The following WDR72 variants were observed in gnomAD, a reference collection of about 807,000 sequenced individuals.
The protein encoded by WDR72 is WD repeat domain 72.
WDR72 carries 120 observed loss-of-function variants against 124.2 expected under a neutral mutation model. The ratio of observed to expected loss-of-function variants is 0.97; its 90% CI spans 0.83 to 1.12. WDR72 has a LOEUF of 1.12. Ranked by LOEUF, WDR72 falls within the 50% of genes most tolerant of loss-of-function variation. The probability of loss-of-function intolerance (pLI) is 0.00; values close to 1 mark genes in which losing one functional copy is unlikely to be tolerated. For missense variants in WDR72, 1,387 were observed against 1,278.8 expected (o/e 1.08, Z -1.29); for synonymous variants, 452 against 441.7 (o/e 1.02, Z -0.29).
chr15:53,649,275 G>C (rs184106957), intron 14 of WDR72, among the ~76,000 whole-genome samples: 1 of 152,236 alleles, frequency 6.6e-6, no homozygotes, highest in Admixed American at 6.5e-5. Flanking sequence ...AGGTGTACCA[G>C]AGACTGTATG....
At chr15:53,613,817 TAAATC>T (rs2013648718) in intron 15 of WDR72, 60 bp from the exon 16 acceptor site, 3 of 1,205,134 alleles carry the variant, frequency 2.5e-6, no homozygotes, top group Non-Finnish European at 3.7e-6. Context: ...TTTGAGGAAA[TAAATC>T]AAAGATATGG....
Position 53,615,836 on chromosome 15 carries a change from G to C in WDR72, c.2370C>G (p.Leu790=), listed in dbSNP as rs374963913. 1.7e-5 allele frequency: 28 copies of C among 1,613,480 alleles called. No individual in the cohort carries two copies. The highest frequency in any genetic ancestry group is 2.4e-5 in the Non-Finnish European group (28 of 1,179,672). Residue 790 remains leucine (L), a synonymous_variant, in exon 15 of 20, where the codon CTC becomes CTG. Transcript: ENST00000360509. ...GAAACAATTTTGCTGTGTCTATTGTGAGACTGGCATCTACTTTTCTTGATG... is the reference window on the plus strand; with the variant it reads ...GAAACAATTTTGCTGTGTCTATTGTCAGACTGGCATCTACTTTTCTTGATG... ...PKPSRKVDAS[L]TIDTAKLFLS...
At chr15:53,528,932 A>G (rs1892272567) in intron 18 of WDR72, among the ~76,000 whole-genome samples, 1 of 151,960 alleles carries the variant, frequency 6.6e-6, no homozygotes, top group Non-Finnish European at 1.5e-5. Flanking sequence ...TTCCAGCCTA[A>G]TGCAAGGCAC....
At chr15:53,529,248 T>C (rs991305160) in intron 18 of WDR72, among the ~76,000 whole-genome samples, 4 of 150,926 alleles carry the variant, frequency 2.7e-5, no homozygotes, top group African/African-American at 9.7e-5. Flanking sequence ...ATGTGTTGTA[T>C]TGTTAAAAAC....
intron 18 of WDR72, among the ~76,000 whole-genome samples, chr15:53,559,116 T>A (rs1894035666): frequency 6.6e-6 from 1 of 152,014 alleles, no homozygotes; most frequent in Non-Finnish European, 1.5e-5. Context: ...AATGGTTATT[T>A]ACTTATAACT....
chr15:53,640,828 A>G (rs1233906608), intron 14 of WDR72, among the ~76,000 whole-genome samples: 1 of 151,946 alleles, frequency 6.6e-6, no homozygotes, highest in African/African-American at 2.4e-5. Flanking sequence ...TCTTTGCCCA[A>G]TTTCTTCATT....
chr15:53,668,307 A>G (rs1403978188), intron 13 of WDR72, among the ~76,000 whole-genome samples: 1 of 152,252 alleles, frequency 6.6e-6, no homozygotes, highest in African/African-American at 2.4e-5. Flanking sequence ...GTTAGAGTCA[A>G]TCAATTTCTG....
chr15:53,561,746 C>T (rs982850259), intron 18 of WDR72, among the ~76,000 whole-genome samples: 2 of 151,764 alleles, frequency 1.3e-5, no homozygotes, highest in Non-Finnish European at 2.9e-5. Context: ...TTAGGTTCAC[C>T]TGAGGACCTC....
At chr15:53,647,064 C>T (rs543452832) in intron 14 of WDR72, among the ~76,000 whole-genome samples, 4 of 152,060 alleles carry the variant, frequency 2.6e-5, no homozygotes, top group African/African-American at 9.6e-5. Context: ...GTAAGTCTGA[C>T]CAGATCTCAA....
chr15:53,752,746 C>T (rs2018804555), intron 1 of WDR72, among the ~76,000 whole-genome samples: 1 of 152,164 alleles, frequency 6.6e-6, no homozygotes, highest in Non-Finnish European at 1.5e-5. Context: ...ATCTCAGTAA[C>T]ACATGTATCA....
At chr15:53,533,514 G>C (rs965665214) in intron 18 of WDR72, among the ~76,000 whole-genome samples, 1 of 152,050 alleles carries the variant, frequency 6.6e-6, no homozygotes, top group Non-Finnish European at 1.5e-5. Flanking sequence ...GTCTGATCAT[G>C]TATTTCCTAA....
rs2017517553 is a variant in WDR72 at position 53,710,954 on chromosome 15, C to G, written c.858-1G>C. On this transcript the variant is annotated splice_acceptor_variant, in intron 8 of 19. Coordinates refer to ENST00000360509, the MANE Select transcript of WDR72 (RefSeq NM_182758.4). LOFTEE classifies it high-confidence loss of function. ...AGGGTATATGCTTTTTGAAAGCCCACTGCGTGGCAAAAATAAAAAGCAAAG... is the reference window on the plus strand; with the variant it reads ...AGGGTATATGCTTTTTGAAAGCCCAGTGCGTGGCAAAAATAAAAAGCAAAG... 1.2e-6 allele frequency: 2 copies of G among 1,612,620 alleles called. No homozygotes were observed. The highest frequency in any genetic ancestry group is 2.7e-5 in the African/African-American group (2 of 75,038).
chr15:53,696,862 A>G (rs2017018120), intron 13 of WDR72, among the ~76,000 whole-genome samples: 2 of 152,252 alleles, frequency 1.3e-5, no homozygotes, highest in Admixed American at 1.3e-4. Flanking sequence ...AAAGGAATGA[A>G]TGTGATATAG....
intron 14 of WDR72, among the ~76,000 whole-genome samples, chr15:53,660,724 A>C (rs1216659980): frequency 6.6e-6 from 1 of 152,202 alleles, no homozygotes; most frequent in Admixed American, 6.5e-5. Context: ...CCATTAAAAA[A>C]AATTCCAACT....
At chr15:53,532,143 C>T (rs11070987) in intron 18 of WDR72, among the ~76,000 whole-genome samples, 122,144 of 152,036 alleles carry the variant, frequency 0.8, 50,128 homozygotes, top group South Asian at 0.91. Context: ...CAGGCAATAA[C>T]GAATGCTGTC....
chr15:53,579,190 C>T (rs1465329131), intron 18 of WDR72, among the ~76,000 whole-genome samples: 1 of 152,036 alleles, frequency 6.6e-6, no homozygotes, highest in Non-Finnish European at 1.5e-5. Flanking sequence ...AACAAGAACC[C>T]CTGACAGGCA....
intron 13 of WDR72, among the ~76,000 whole-genome samples, chr15:53,693,876 C>A (rs1175795941): frequency 6.6e-6 from 1 of 152,032 alleles, no homozygotes; most frequent in Non-Finnish European, 1.5e-5. Flanking sequence ...CTACAGAAAC[C>A]ACGTCATAAT....
intron 14 of WDR72, among the ~76,000 whole-genome samples, chr15:53,646,186 T>G (rs1039045609): frequency 9.2e-5 from 14 of 152,150 alleles, no homozygotes; most frequent in Non-Finnish European, 5.9e-5. Context: ...CACTCTCAGA[T>G]AGTTTATTTC....
chr15:53,712,809 T>C lies in WDR72; in HGVS notation c.674A>G (p.Glu225Gly). Residue 225 changes from glutamate to glycine, a missense_variant, in exon 7 of 20, where the codon GAG becomes GGG. Coordinates refer to ENST00000360509, the MANE Select transcript of WDR72 (RefSeq NM_182758.4). ...AGAAAATACCACCAATAGAAGTCTC[T>C]CAGTATATGTGCAAAATCGAATTGT... ...CQTIRFCTYT[E>G]RLLLVVFSKC... 1 of 1,613,598 alleles carries C rather than the reference T, an allele frequency of 6.2e-7. No homozygotes were observed. The highest frequency in any genetic ancestry group is 8.5e-7 in the Non-Finnish European group (1 of 1,179,660).
Sources: allele counts gnomAD v4.1 joint callset (sites outside exome capture counted in the v4.1 genomes callset), GRCh38; gene constraint gnomAD v4.1.1; transcripts MANE v1.5; gene names NCBI Gene and HGNC (gene_info 2026-07-23, HGNC 2026-07-21).